DAB1: variants seen among roughly 807,000 people sequenced by gnomAD.
The protein encoded by DAB1 is disabled homolog 1.
In DAB1, 15 loss-of-function variants were observed where a neutral mutation model predicts 64.6. The observed-to-expected ratio is 0.23, with a 90% CI of 0.16 to 0.36. The LOEUF is 0.36. Among genes scored for constraint, DAB1 ranks in the 10% least tolerant of loss-of-function variants. The pLI, the probability that DAB1 is intolerant of heterozygous loss-of-function variation, is 1.00. For synonymous variants in DAB1, 235 were observed against 251.9 expected (o/e 0.93, Z 0.64); for missense variants, 596 against 706.7 (o/e 0.84, Z 1.78).
chr1:58,089,734 T>G (rs1286312584), intron 5 of DAB1, among the ~76,000 whole-genome samples: 4 of 152,078 alleles, frequency 2.6e-5, no homozygotes, highest in African/African-American at 9.7e-5. Context: ...GAAACTGAAA[T>G]TACACCGTTC....
intron 2 of DAB1, among the ~76,000 whole-genome samples, chr1:57,205,605 C>T (rs1665473823): frequency 6.6e-6 from 1 of 152,162 alleles, no homozygotes; most frequent in Non-Finnish European, 1.5e-5. Context: ...TGCATAAATA[C>T]ATCATCTCAT....
intron 4 of DAB1, among the ~76,000 whole-genome samples, chr1:58,156,993 G>C (rs1219634784): frequency 6.6e-6 from 1 of 152,128 alleles, no homozygotes; most frequent in Admixed American, 6.5e-5. Context: ...CCTACCGAAC[G>C]GGATCTGAGT....
chr1:58,287,077 A>G (rs1661702610), intron 4 of DAB1, among the ~76,000 whole-genome samples: 1 of 152,200 alleles, frequency 6.6e-6, no homozygotes, highest in African/African-American at 2.4e-5. Flanking sequence ...AACAGAAAAC[A>G]AAACACCACA....
chr1:58,379,402 G>T (rs930106771), intron 3 of DAB1, among the ~76,000 whole-genome samples: 1 of 152,268 alleles, frequency 6.6e-6, no homozygotes, highest in Non-Finnish European at 1.5e-5. Flanking sequence ...GCACTCATTT[G>T]CTATACCCTC....
intron 4 of DAB1, among the ~76,000 whole-genome samples, chr1:58,215,436 A>G (rs1372430832): frequency 8.6e-5 from 13 of 151,728 alleles, no homozygotes; most frequent in Admixed American, 8.6e-4. Flanking sequence ...TAATATTTCC[A>G]AAAGATATAT....
At chr1:57,912,269 T>C (rs1194742443) in intron 5 of DAB1, among the ~76,000 whole-genome samples, 1 of 152,168 alleles carries the variant, frequency 6.6e-6, no homozygotes, top group African/African-American at 2.4e-5. Context: ...AGCAATCTAA[T>C]TTCGTGGGTC....
At chr1:58,505,382 G>A (rs1184218506) in intron 3 of DAB1, among the ~76,000 whole-genome samples, 8 of 152,192 alleles carry the variant, frequency 5.3e-5, no homozygotes, top group East Asian at 3.9e-4. Context: ...AGCGTGTAAC[G>A]TGGCTCAGAG....
At chr1:57,963,408 G>A (rs1208882948) in intron 5 of DAB1, among the ~76,000 whole-genome samples, 1 of 152,110 alleles carries the variant, frequency 6.6e-6, no homozygotes, top group Non-Finnish European at 1.5e-5. Context: ...ATGAACCTCT[G>A]CTTCTAGATC....
chr1:58,260,719 T>C (rs1661029389), intron 4 of DAB1, among the ~76,000 whole-genome samples: 1 of 152,232 alleles, frequency 6.6e-6, no homozygotes, highest in Non-Finnish European at 1.5e-5. Context: ...TCACTATGTG[T>C]TGTCCCTCAC....
chr1:57,938,764 C>T (rs1421952137), intron 5 of DAB1, among the ~76,000 whole-genome samples: 1 of 152,016 alleles, frequency 6.6e-6, no homozygotes, highest in East Asian at 1.9e-4. Context: ...CCAACCCCTT[C>T]CCCAGGCCCC....
chr1:57,670,202 A>AT (rs1646494542), intron 6 of DAB1, among the ~76,000 whole-genome samples: 1 of 152,150 alleles, frequency 6.6e-6, no homozygotes, highest in Non-Finnish European at 1.5e-5. Context: ...CATATCTATA[A>AT]TTTTGCAATA....
At chr1:57,365,305 A>G (rs1407406179) in intron 1 of DAB1, among the ~76,000 whole-genome samples, 3 of 142,492 alleles carry the variant, frequency 2.1e-5, no homozygotes, top group Non-Finnish European at 4.6e-5. Context: ...TAAAGAATAC[A>G]TAAACATATA....
intron 6 of DAB1, among the ~76,000 whole-genome samples, chr1:57,707,757 G>T (rs979200206): frequency 2.0e-5 from 3 of 152,050 alleles, no homozygotes; most frequent in Non-Finnish European, 2.9e-5. Context: ...TTCTTAAGAG[G>T]GCTTTCTATG....
chr1:57,707,703 T>C (rs969185832), intron 6 of DAB1, among the ~76,000 whole-genome samples: 2 of 152,242 alleles, frequency 1.3e-5, no homozygotes, highest in African/African-American at 4.8e-5. Flanking sequence ...AGAATTCATA[T>C]ATTTATTCCA....
At chr1:58,294,376 C>T (rs987714976) in intron 4 of DAB1, among the ~76,000 whole-genome samples, 2 of 152,150 alleles carry the variant, frequency 1.3e-5, no homozygotes, top group African/African-American at 4.8e-5. Flanking sequence ...TTTAATTCAA[C>T]TCCTACATGC....
intron 1 of DAB1, among the ~76,000 whole-genome samples, chr1:58,544,703 C>T (rs961030246): frequency 6.6e-6 from 1 of 152,158 alleles, no homozygotes; most frequent in African/African-American, 2.4e-5. Context: ...AAGCAATTCT[C>T]GTGCCTCAGT....
intron 4 of DAB1, among the ~76,000 whole-genome samples, chr1:58,195,210 TG>T (rs1657608937): frequency 6.6e-6 from 1 of 151,996 alleles, no homozygotes; most frequent in Non-Finnish European, 1.5e-5. Flanking sequence ...ATATGGCAGG[TG>T]TTCCAAGTAA....
At chr1:57,702,041 C>T (rs993676371) in intron 6 of DAB1, among the ~76,000 whole-genome samples, 1 of 152,098 alleles carries the variant, frequency 6.6e-6, no homozygotes, top group African/African-American at 2.4e-5. Flanking sequence ...GGCCATGGTT[C>T]CCTGTTTGCT....
intron 4 of DAB1, among the ~76,000 whole-genome samples, chr1:58,278,075 T>C (rs1373413062): frequency 2.6e-5 from 4 of 152,244 alleles, no homozygotes; most frequent in Non-Finnish European, 5.9e-5. Context: ...ATTGGCTCTA[T>C]GTCCCCACCC....
Sources: gnomAD v4.1 joint callset for allele counts (sites outside exome capture counted in the v4.1 genomes callset) on GRCh38, gnomAD v4.1.1 for gene constraint, MANE v1.5 for transcripts, NCBI Gene and HGNC (gene_info 2026-07-23, HGNC 2026-07-21) for gene names.